Variants in DCTN1 observed in about 807,000 individuals in gnomAD.
The protein encoded by DCTN1 is 150 kDa dynein-associated polypeptide.
In DCTN1, 61 loss-of-function variants were observed where a neutral mutation model predicts 161.2. The observed-to-expected ratio is 0.38, with a 90% CI of 0.31 to 0.47. DCTN1 has a LOEUF of 0.47. Ranked by LOEUF, DCTN1 falls within the 20% of genes least tolerant of loss-of-function variation. DCTN1 has a pLI of 0.99. For missense variants in DCTN1, 1,404 were observed against 1,623.7 expected, an observed-to-expected ratio of 0.86 and a Z score of 2.33; for synonymous variants, 653 against 632.4, an observed-to-expected ratio of 1.03 and a Z score of -0.49.
chr2:74,369,550 T>G lies in DCTN1; in HGVS notation c.1393-59A>C. 6.4e-7 allele frequency: 1 copy of G among 1,557,064 alleles called. No individual in the cohort carries two copies. Among genetic ancestry groups the G allele is most frequent in the Non-Finnish European group, 8.8e-7 (1 of 1,139,736 alleles). ...AGGCAGGGTCGGCCAGCGGCGGTGGTTCACACCTGTAATCCCAGCACTTTG... is the reference window on the plus strand; with the variant it reads ...AGGCAGGGTCGGCCAGCGGCGGTGGGTCACACCTGTAATCCCAGCACTTTG... On this transcript the variant is annotated intron_variant, in intron 13 of 31. Transcript: ENST00000628224. The surrounding 1 kb of genome is among the most constrained non-coding windows in gnomAD (Gnocchi z 4.9).
chr2:74,391,809 C>A (rs1676018651), exon 1 of DCTN1: 2 of 453,814 alleles, frequency 4.4e-6, no homozygotes, highest in African/African-American at 2.0e-5. Context: ...CTGTGAGGGG[C>A]TCCGCGCCCA....
chr2:74,361,217 C>A lies in DCTN1; in HGVS notation c.*282G>T. 1.7e-6 allele frequency: 1 copy of A among 584,408 alleles called. No homozygotes were observed. Among genetic ancestry groups the A allele is most frequent in the Non-Finnish European group, 3.2e-6 (1 of 311,042 alleles). The allele number at this position is 584,408 out of a possible 1,614,324, so 36.2% of individuals were successfully genotyped here. On this transcript the variant is annotated 3_prime_UTR_variant, in exon 32 of 32. Coordinates refer to ENST00000628224, the MANE Select transcript of DCTN1 (RefSeq NM_004082.5). ...CCTCAATCAAGGGGACCTCACTTAACCTTTGGTGGTGGGGTCTCAGCCTAC... is the reference window on the plus strand; with the variant it reads ...CCTCAATCAAGGGGACCTCACTTAAACTTTGGTGGTGGGGTCTCAGCCTAC...
At chr2:74,380,775 C>T (rs1675478924), upstream of DCTN1, among the ~76,000 whole-genome samples, 1 of 152,232 alleles carries the variant, frequency 6.6e-6, no homozygotes, top group Non-Finnish European at 1.5e-5. Context: ...ATGAAGGCAA[C>T]TTCACACACA....
At chr2:74,389,014 G>T (rs1159239462) in intron 1 of DCTN1, among the ~76,000 whole-genome samples, 5 of 152,126 alleles carry the variant, frequency 3.3e-5, no homozygotes, top group African/African-American at 9.7e-5. Context: ...TATGGAATTT[G>T]GTAGTGACAC....
intron 26 of DCTN1, 180 bp downstream of exon 26, chr2:74,364,895 G>A: frequency 1.4e-6 from 1 of 732,352 alleles, no homozygotes. Context: ...GAGAAACTCA[G>A]CACACATCTT....
intron 28 of DCTN1, 53 bp from the exon 29 acceptor site, chr2:74,363,230 A>C: frequency 6.2e-7 from 1 of 1,614,088 alleles, no homozygotes; most frequent in Non-Finnish European, 8.5e-7. Context: ...GGCCCCTGTC[A>C]TCTATCATCA....
Position 74,369,978 on chromosome 2 carries a change from G to A in DCTN1, c.1379C>T (p.Thr460Ile). The change falls in exon 13 of 32, where the codon ACT becomes ATT. Residue 460 changes from threonine (T) to isoleucine (I), a missense_variant. Physicochemically the swap from Thr to Ile is moderately conservative, Grantham distance 89 (BLOSUM62 -1). Coordinates refer to ENST00000628224, the MANE Select transcript of DCTN1 (RefSeq NM_004082.5). The surrounding 1 kb of genome is among the most constrained non-coding windows in gnomAD (Gnocchi z 4.9). ...CTCTTCTCTTACCAAGTCTCCCACA[G>A]TCTCCCTCAACTCGCGCACTTTCTC... ...LEEKVRELRE[T>I]VGDLEAMNEM... 1 of 1,614,162 alleles carries A rather than the reference G, an allele frequency of 6.2e-7. No individual in the cohort carries two copies. The highest frequency in any genetic ancestry group is 2.2e-5 in the East Asian group (1 of 44,880).
chr2:74,369,190 G>C lies in DCTN1; in HGVS notation c.1609C>G (p.Gln537Glu). ...TGCCTCTCCACAGATGCTTCCTGCT[G>C]GTTTGTCAGTTCCCGATTCACATCC... ...LQDVNRELTN[Q>E]QEASVERQQQ... The change falls in exon 15 of 32, where the codon CAG (glutamine) becomes GAG (glutamate). Residue 537 changes from glutamine to glutamate, a missense_variant. Physicochemically the swap from Gln to Glu is conservative, Grantham distance 29 (BLOSUM62 2). Around this residue, in one of 9 missense-constraint regions of DCTN1, gnomAD observed 278 missense variants for 363.8 expected, o/e 0.76. Coordinates refer to ENST00000628224, the MANE Select transcript of DCTN1 (RefSeq NM_004082.5). This position sits in a 1 kb window ranked among gnomAD's most constrained non-coding sequence, Gnocchi z 4.9. 1 of 1,614,236 alleles carries C rather than the reference G, an allele frequency of 6.2e-7. No individual in the cohort carries two copies. Among genetic ancestry groups the C allele is most frequent in the Non-Finnish European group, 8.5e-7 (1 of 1,180,044 alleles).
chr2:74,363,144 G>A lies in DCTN1; in HGVS notation c.3379C>T (p.Pro1127Ser). Residue 1127 changes from proline (P) to serine (S), a missense_variant, in exon 29 of 32, where the codon CCC becomes TCC. Physicochemically the swap from Pro to Ser is moderately conservative, Grantham distance 74. Transcript: ENST00000628224. The stretch of plus-strand genomic sequence containing the variant: ...GATAGCTTTGCAACATGCAGAGGGG[G>A]CAGGGATGCCAAGGATGCCTTCATC... ...AQMKASLASL[P>S]PLHVAKLSHE... The A allele has an allele frequency of 2.5e-6, 4 of 1,614,158 alleles. No individual in the cohort carries two copies. The highest frequency in any genetic ancestry group is 1.3e-5 in the African/African-American group (1 of 75,054).
chr2:74,384,169 T>C (rs558664593), upstream of DCTN1, among the ~76,000 whole-genome samples: 5 of 152,332 alleles, frequency 3.3e-5, no homozygotes, highest in South Asian at 8.3e-4. Flanking sequence ...GAAAACTTAA[T>C]TGCATACACG....
intron 1 of DCTN1, chr2:74,390,485 T>C (rs1408342078): frequency 4.1e-6 from 1 of 242,286 alleles, no homozygotes; most frequent in East Asian, 9.6e-5. Context: ...GGCAAGAATA[T>C]TTCAGATAGA....
At position 74,369,539 on chromosome 2, in the gene DCTN1, A is replaced by G; in HGVS notation, c.1393-48T>C. 1 of 1,595,076 alleles carries G rather than the reference A, an allele frequency of 6.3e-7. No homozygotes were observed. Among genetic ancestry groups the G allele is most frequent in the Non-Finnish European group, 8.5e-7 (1 of 1,172,772 alleles). ...GGGCTAAAGAAAGGCAGGGTCGGCC[A>G]GCGGCGGTGGTTCACACCTGTAATC... On this transcript the variant is annotated intron_variant, in intron 13 of 31. Coordinates refer to ENST00000628224, the MANE Select transcript of DCTN1 (RefSeq NM_004082.5). The surrounding 1 kb of genome is among the most constrained non-coding windows in gnomAD (Gnocchi z 4.9).
At position 74,370,256 on chromosome 2, in the gene DCTN1, C is replaced by T. The variant is rs1040712616; in HGVS notation, c.1217G>A (p.Arg406Lys). Reference sequence around the variant, plus strand: ...CTCCTGCAGACGCTCCCGCTGTTGCCTCACAACTTCCAGCTCTTGGTTCTT... The same window carrying T: ...CTCCTGCAGACGCTCCCGCTGTTGCTTCACAACTTCCAGCTCTTGGTTCTT... ...EKKNQELEVV[R>K]QQRERLQEEL... Residue 406 changes from arginine to lysine, a missense_variant, in exon 12 of 32, where the codon AGG becomes AAG. By Grantham distance (26) the Arg-to-Lys change is conservative. This residue lies in a region of DCTN1 where 278 missense variants were observed against 363.8 expected (regional missense o/e 0.76). Transcript: ENST00000628224. The surrounding 1 kb of genome is among the most constrained non-coding windows in gnomAD (Gnocchi z 4.4). 1.9e-5 allele frequency: 30 copies of T among 1,613,970 alleles called. No individual in the cohort carries two copies. Among genetic ancestry groups the T allele is most frequent in the Non-Finnish European group, 2.3e-5 (27 of 1,180,056 alleles).
intron 1 of DCTN1, 46 bp from the exon 2 acceptor site, chr2:74,378,291 AG>A: frequency 6.3e-7 from 1 of 1,598,516 alleles, no homozygotes; most frequent in Non-Finnish European, 8.5e-7. Flanking sequence ...CTCAGATCAA[AG>A]GTGGCATTCT....
At position 74,370,572 on chromosome 2, in the gene DCTN1, C is replaced by T. The variant is rs377645971; in HGVS notation, c.1049-28G>A. 7 of 1,614,006 alleles carry T rather than the reference C, an allele frequency of 4.3e-6. No homozygotes were observed. The African/African-American group carries it at 9.3e-5, about 22-fold the overall frequency. On this transcript the variant is annotated intron_variant, in intron 10 of 31. Coordinates refer to ENST00000628224, the MANE Select transcript of DCTN1 (RefSeq NM_004082.5). This position sits in a 1 kb window ranked among gnomAD's most constrained non-coding sequence, Gnocchi z 4.4. ...GGAGAAGATCATTAACACTTTCAGG[C>T]ATGGTTCTCACCTGACCGTTTGGCC...
At chr2:74,380,742 G>C (rs1037523028), upstream of DCTN1, among the ~76,000 whole-genome samples, 4 of 152,202 alleles carry the variant, frequency 2.6e-5, no homozygotes, top group Non-Finnish European at 5.9e-5. Flanking sequence ...CCCTGCCCAG[G>C]AGGCAGCAAG....
Position 74,377,813 on chromosome 2 carries a change from C to G in DCTN1, c.280-87G>C, listed in dbSNP as rs76360967. The G allele has an allele frequency of 4.2e-4, 626 of 1,476,392 alleles. 6 individuals are homozygous for G. In the African/African-American group the frequency reaches 7.7e-3, roughly 18 times the overall value. 91.5% of individuals were successfully genotyped at this position (1,476,392 alleles called of 1,614,324 possible). On this transcript the variant is annotated intron_variant, in intron 2 of 31. Transcript: ENST00000628224. ...GTAATATGGGCCCCTCCCCAGGCTC[C>G]AAGCAAACCAAGAGTACAGGGCAGC...
At position 74,361,577 on chromosome 2, in the gene DCTN1, C is replaced by T. The variant is rs886056328; in HGVS notation, c.3759G>A (p.Ala1253=). ...VYMGKVTFSC[A]AGFGQRHRLV... is the part of the protein sequence containing the mutation. ...GCCGGTGTCGCTGTCCAAAACCAGC[C>T]GCACATGAGAAGGTCACTTTGCCCA... Residue 1253 remains alanine, a synonymous_variant, in exon 32 of 32, where the codon GCG becomes GCA. Transcript: ENST00000628224. The T allele has an allele frequency of 6.8e-6, 11 of 1,614,026 alleles. No individual in the cohort carries two copies. The highest frequency in any genetic ancestry group is 3.3e-4 in the Middle Eastern group (2 of 6,062).
chr2:74,370,630 C>T lies in DCTN1; in HGVS notation c.1039G>A (p.Glu347Lys), dbSNP rs1264693170. The T allele has an allele frequency of 6.2e-7, 1 of 1,614,068 alleles. No homozygotes were observed. Among genetic ancestry groups the T allele is most frequent in the South Asian group, 1.1e-5 (1 of 91,082 alleles). ...TDLEILKAEI[E>K]EKGSDGAASS... ...GCTGTGGGCCCCTTACCCTTCTCTT[C>T]AATCTCAGCCTTGAGGATCTCTAAG... The change falls in exon 10 of 32, where the codon GAA becomes AAA. Residue 347 changes from glutamate to lysine, a missense_variant. Physicochemically the swap from Glu to Lys is moderately conservative, Grantham distance 56 (BLOSUM62 1). Coordinates refer to ENST00000628224, the MANE Select transcript of DCTN1 (RefSeq NM_004082.5). This position sits in a 1 kb window ranked among gnomAD's most constrained non-coding sequence, Gnocchi z 4.4.
Sources: allele counts gnomAD v4.1 joint callset (sites outside exome capture counted in the v4.1 genomes callset), GRCh38; gene constraint gnomAD v4.1.1; regional missense constraint gnomAD v4.1.1; non-coding constraint Gnocchi (gnomAD v3.1); transcripts MANE v1.5; gene names NCBI Gene and HGNC (gene_info 2026-07-23, HGNC 2026-07-21).